NTAQ1: variants seen among roughly 807,000 people sequenced by gnomAD.
NTAQ1 encodes the protein N-terminal glutamine amidase 1, also known as protein N-terminal glutamine amidohydrolase.
NTAQ1 carries 21 observed loss-of-function variants against 28.2 expected under a neutral mutation model. That is an observed-to-expected ratio of 0.74 (90% CI 0.53 to 1.07). The LOEUF (loss-of-function observed/expected upper bound fraction) is 1.07. Among genes scored for constraint, NTAQ1 ranks in the 50% least tolerant of loss-of-function variants. The pLI, the probability that NTAQ1 is intolerant of heterozygous loss-of-function variation, is 0.00. For missense variants in NTAQ1, 264 were observed against 256.6 expected (o/e 1.03, Z -0.20); for synonymous variants, 105 against 90.0 (o/e 1.17, Z -0.94).
At chr8:123,422,548 A>T (rs1367792538) in intron 1 of NTAQ1, among the ~76,000 whole-genome samples, 1 of 150,382 alleles carries the variant, frequency 6.6e-6, no homozygotes, top group African/African-American at 2.4e-5. Flanking sequence ...AAGTGCTGGG[A>T]TTACAAGCAC....
downstream of NTAQ1, among the ~76,000 whole-genome samples, chr8:123,470,953 C>T (rs151287507): frequency 2.0e-5 from 3 of 150,818 alleles, no homozygotes; most frequent in East Asian, 2.0e-4. Context: ...CAGGATAGCA[C>T]GCTGTTGCTC....
chr8:123,428,494 A>C (rs1289098797), intron 2 of NTAQ1, among the ~76,000 whole-genome samples: 3 of 152,076 alleles, frequency 2.0e-5, no homozygotes, highest in African/African-American at 7.2e-5. Flanking sequence ...CACCATGCCC[A>C]GCTTAGTCCC....
At chr8:123,471,411 C>T (rs1444549857), downstream of NTAQ1, among the ~76,000 whole-genome samples, 1 of 152,120 alleles carries the variant, frequency 6.6e-6, no homozygotes, top group East Asian at 1.9e-4. Context: ...GAAACAGAGC[C>T]AATAGGATGG....
chr8:123,425,560 G>A (rs57082257), intron 1 of NTAQ1, among the ~76,000 whole-genome samples: 54,876 of 150,876 alleles, frequency 0.36, 10,055 homozygotes, highest in East Asian at 0.56. Context: ...AGAAAAACAT[G>A]TCCAACTTCC....
chr8:123,454,554 A>C (rs1239204071), intron 6 of NTAQ1, among the ~76,000 whole-genome samples: 2 of 151,964 alleles, frequency 1.3e-5, no homozygotes, highest in Non-Finnish European at 2.9e-5. Flanking sequence ...ATTTTTAGTA[A>C]AGACGGGGTT....
rs375059911 is a variant in NTAQ1 at position 123,464,911 on chromosome 8, G to A, written c.373-2168G>A. ...AAATTAGCTGGGTGTGGTATCATGC[G>A]CCTGTAATCCTAGCTACTTGGAAGG... On this transcript the variant is annotated intron_variant, in intron 6 of 6. Coordinates refer to the NTAQ1 transcript ENST00000650311. 1.2e-3 allele frequency among the ~76,000 whole-genome samples: 190 copies of A among 152,204 alleles called. 1 individual carries two copies. Among genetic ancestry groups the A allele is most frequent in the South Asian group, 0.011 (51 of 4,816 alleles).
At chr8:123,473,667 C>T (rs529149761), downstream of NTAQ1, among the ~76,000 whole-genome samples, 1 of 152,344 alleles carries the variant, frequency 6.6e-6, no homozygotes, top group East Asian at 1.9e-4. Flanking sequence ...TCATGTAGCA[C>T]ATATATTCAA....
chr8:123,447,783 T>C (rs1563900685), intron 6 of NTAQ1, among the ~76,000 whole-genome samples: 1 of 151,776 alleles, frequency 6.6e-6, no homozygotes, highest in African/African-American at 2.4e-5. Flanking sequence ...CAGAAAAAAA[T>C]AACAAAAAAC....
downstream of NTAQ1, chr8:123,442,321 T>G (rs1406545671): frequency 6.6e-6 from 1 of 152,084 alleles, no homozygotes; most frequent in Non-Finnish European, 1.5e-5. Context: ...AACTATCAGC[T>G]GGGCATGGTG....
chr8:123,456,826 A>G (rs1586967125), intron 6 of NTAQ1, among the ~76,000 whole-genome samples: 1 of 152,326 alleles, frequency 6.6e-6, no homozygotes, highest in Non-Finnish European at 1.5e-5. Flanking sequence ...ATATTTATCT[A>G]TAGAAATGAC....
chr8:123,430,809 T>C lies in NTAQ1; in HGVS notation c.234+776T>C, dbSNP rs147215528. ...AAATAAATAATGTAGTTTTCTGATTTAGTAAATCTAGAGAGGGGTTCAGGA... is the reference window on the plus strand; with the variant it reads ...AAATAAATAATGTAGTTTTCTGATTCAGTAAATCTAGAGAGGGGTTCAGGA... On this transcript the variant is annotated intron_variant, in intron 3 of 5. Coordinates refer to ENST00000287387, the MANE Select transcript of NTAQ1 (RefSeq NM_018024.3). 1.3e-3 allele frequency among the ~76,000 whole-genome samples: 203 copies of C among 152,264 alleles called. 1 individual carries two copies. The highest frequency in any genetic ancestry group is 4.6e-3 in the African/African-American group (191 of 41,568).
chr8:123,453,570 A>G (rs1195408173), intron 6 of NTAQ1, among the ~76,000 whole-genome samples: 1 of 152,078 alleles, frequency 6.6e-6, no homozygotes, highest in Non-Finnish European at 1.5e-5. Flanking sequence ...CTGGGACTAT[A>G]GACACCTGCC....
At chr8:123,428,299 C>T (rs917728825) in intron 2 of NTAQ1, among the ~76,000 whole-genome samples, 13 of 151,944 alleles carry the variant, frequency 8.6e-5, no homozygotes, top group African/African-American at 3.1e-4. Context: ...CGGGTTCAAG[C>T]GATTCTCCTG....
At position 123,437,702 on chromosome 8, in the gene NTAQ1, CAAAAAAA is replaced by C. The variant is rs67334148; in HGVS notation, c.508+377_508+383del. On this transcript the variant is annotated intron_variant, in intron 5 of 5. Transcript: ENST00000287387. ...TGGGTGACAGAGTGAGACTCCATCTCAAAAAAAAAAAAAAACAAAAAACAAAAAACAA... is the reference window on the plus strand; with the variant it reads ...TGGGTGACAGAGTGAGACTCCATCTCAAAAAAAACAAAAAACAAAAAACAA... Among the ~76,000 whole-genome samples, 337 of 137,208 alleles carry C rather than the reference CAAAAAAA, an allele frequency of 2.5e-3. 2 individuals are homozygous for C. The highest frequency in any genetic ancestry group is 7.0e-3 in the South Asian group (29 of 4,152). 90.0% of individuals were successfully genotyped at this position (137,208 alleles called of 152,430 possible). A position where few individuals can be genotyped will look rare whatever the true frequency, so the allele number is the denominator to read the frequency against.
chr8:123,473,017 T>G (rs1243940703), downstream of NTAQ1, among the ~76,000 whole-genome samples: 1 of 152,176 alleles, frequency 6.6e-6, no homozygotes, highest in Admixed American at 6.5e-5. Context: ...CTGTTAACTG[T>G]TGGGGTGAGG....
intron 1 of NTAQ1, among the ~76,000 whole-genome samples, chr8:123,420,439 G>A (rs1346318793): frequency 6.6e-6 from 1 of 151,998 alleles, no homozygotes; most frequent in East Asian, 1.9e-4. Flanking sequence ...CACAGTAATG[G>A]GATTGCTAGG....
chr8:123,456,068 C>T (rs1231038784), intron 6 of NTAQ1, among the ~76,000 whole-genome samples: 1 of 152,102 alleles, frequency 6.6e-6, no homozygotes, highest in African/African-American at 2.4e-5. Context: ...TAGGTCTGAT[C>T]CTTATGACAG....
downstream of NTAQ1, among the ~76,000 whole-genome samples, chr8:123,471,015 G>A (rs1816035844): frequency 6.6e-6 from 1 of 151,664 alleles, no homozygotes; most frequent in African/African-American, 2.4e-5. Context: ...TGACTTCCTG[G>A]GCTCAGGTGA....
chr8:123,442,596 GAA>G (rs80278009), downstream of NTAQ1, among the ~76,000 whole-genome samples: 49,174 of 124,814 alleles, frequency 0.39, 8,826 homozygotes, highest in East Asian at 0.59. Flanking sequence ...CTCCATCTCA[GAA>G]AAAAAAAAAA....
Sources: allele counts gnomAD v4.1 joint callset (sites outside exome capture counted in the v4.1 genomes callset), GRCh38; gene constraint gnomAD v4.1.1; transcripts MANE v1.5; gene names NCBI Gene and HGNC (gene_info 2026-07-23, HGNC 2026-07-21).